LRFN5: variants seen among roughly 807,000 people sequenced by gnomAD.
LRFN5 encodes the protein leucine rich repeat and fibronectin type III domain containing 5, also known as leucine-rich repeat and fibronectin type-III domain-containing protein 5.
In LRFN5, 24 loss-of-function variants were observed where a neutral mutation model predicts 45.6. That is an observed-to-expected ratio of 0.53 (90% CI 0.38 to 0.74). The LOEUF (loss-of-function observed/expected upper bound fraction) is 0.74, where lower values mean the gene tolerates loss of function less well. LRFN5 is among the 30% of genes least tolerant of loss of function. LRFN5 has a pLI of 0.00. For missense variants in LRFN5, 776 were observed against 861.5 expected, an observed-to-expected ratio of 0.90 and a Z score of 1.24; for synonymous variants, 340 against 313.8, an observed-to-expected ratio of 1.08 and a Z score of -0.88.
chr14:41,811,150 T>C (rs986155817), intron 2 of LRFN5, among the ~76,000 whole-genome samples: 1 of 151,938 alleles, frequency 6.6e-6, no homozygotes, highest in Non-Finnish European at 1.5e-5. Flanking sequence ...ATAAAAATAG[T>C]CAATAAGCAT....
At chr14:41,699,486 G>T (rs181991089) in intron 1 of LRFN5, 30 of 152,148 alleles carry the variant, frequency 2.0e-4, no homozygotes, top group South Asian at 6.2e-4. Context: ...TTTTGGGGGA[G>T]GAATTCCTGA....
rs774680497 is a variant in LRFN5 at position 41,887,440 on chromosome 14, G to A, written c.815G>A (p.Arg272His). 33 of 1,613,964 alleles carry A rather than the reference G, an allele frequency of 2.0e-5. No homozygotes were observed. Among genetic ancestry groups the A allele is most frequent in the East Asian group, 8.9e-5 (4 of 44,870 alleles). The stretch of plus-strand genomic sequence containing the variant: ...GCTTCTCCTCCACTTTTAACTGGCC[G>A]CTACTTTTGGTCAATTCCTGAAGAA... ...TCASPPLLTG[R>H]YFWSIPEEEF... Residue 272 changes from arginine (R) to histidine (H), a missense_variant, in exon 3 of 6, where the codon CGC (arginine) becomes CAC (histidine). Arg to His is a conservative substitution (Grantham distance 29, BLOSUM62 0). Coordinates refer to ENST00000298119, the MANE Select transcript of LRFN5 (RefSeq NM_152447.5). This position sits in a 1 kb window ranked among gnomAD's most constrained non-coding sequence, Gnocchi z 4.8.
At chr14:41,750,538 A>G (rs1370847906) in intron 1 of LRFN5, among the ~76,000 whole-genome samples, 2 of 152,028 alleles carry the variant, frequency 1.3e-5, no homozygotes, top group African/African-American at 2.4e-5. Flanking sequence ...TGAAAATAAT[A>G]AAGTACATAT....
chr14:41,844,340 G>A (rs1409181927), intron 2 of LRFN5, among the ~76,000 whole-genome samples: 1 of 151,796 alleles, frequency 6.6e-6, no homozygotes, highest in African/African-American at 2.4e-5. Context: ...GGGAGGCTGA[G>A]GCAGGAGAAT....
intron 1 of LRFN5, among the ~76,000 whole-genome samples, chr14:41,729,968 T>C (rs1349012585): frequency 6.6e-6 from 1 of 151,876 alleles, no homozygotes; most frequent in Admixed American, 6.6e-5. Flanking sequence ...AGAATTAGTA[T>C]TAAAAATTTT....
Position 41,887,652 on chromosome 14 carries a change from G to A in LRFN5, c.1027G>A (p.Asp343Asn). The A allele has an allele frequency of 1.1e-5, 18 of 1,614,166 alleles. No individual in the cohort carries two copies. The highest frequency in any genetic ancestry group is 1.5e-5 in the Non-Finnish European group (18 of 1,180,036). ...RSLVYDNGTL[D>N]ILITTVKDTG... is the part of the protein sequence containing the mutation. Reference sequence around the variant, plus strand: ...TCTGGTGTATGATAACGGAACACTTGACATTCTTATCACAACTGTAAAGGA... The same window carrying A: ...TCTGGTGTATGATAACGGAACACTTAACATTCTTATCACAACTGTAAAGGA... The change falls in exon 3 of 6, where the codon GAC becomes AAC. Residue 343 changes from aspartate (D) to asparagine (N), a missense_variant. Asp to Asn is a conservative substitution (Grantham distance 23). Transcript: ENST00000298119. This position sits in a 1 kb window ranked among gnomAD's most constrained non-coding sequence, Gnocchi z 4.8.
At position 41,663,251 on chromosome 14, in the gene LRFN5, A is replaced by C. The variant is rs141126224; in HGVS notation, c.-197+54689A>C. Among the ~76,000 whole-genome samples, 1,411 of 152,228 alleles carry C rather than the reference A, an allele frequency of 9.3e-3. 6 individuals are homozygous for C. Among genetic ancestry groups the C allele is most frequent in the East Asian group, 0.02 (104 of 5,170 alleles). Reference sequence around the variant, plus strand: ...TTGATGATTGACCCAAATAGTGGTGAGAAGAATGTTCAGAGTTCAGATAGG... The same window carrying C: ...TTGATGATTGACCCAAATAGTGGTGCGAAGAATGTTCAGAGTTCAGATAGG... On this transcript the variant is annotated intron_variant, in intron 1 of 5. Transcript: ENST00000298119.
chr14:41,866,739 C>A (rs1487485527), intron 2 of LRFN5, among the ~76,000 whole-genome samples: 1 of 152,048 alleles, frequency 6.6e-6, no homozygotes, highest in East Asian at 1.9e-4. Context: ...AGAGAAAAAT[C>A]ACAGAATTTA....
At chr14:41,819,017 T>C (rs1319348504) in intron 2 of LRFN5, among the ~76,000 whole-genome samples, 1 of 152,198 alleles carries the variant, frequency 6.6e-6, no homozygotes, top group Admixed American at 6.6e-5. Flanking sequence ...TGAGTTATTT[T>C]ACTTAAGATA....
At chr14:41,705,107 G>C (rs1200857182) in intron 1 of LRFN5, among the ~76,000 whole-genome samples, 1 of 151,932 alleles carries the variant, frequency 6.6e-6, no homozygotes, top group Non-Finnish European at 1.5e-5. Flanking sequence ...TTCAAAAGGA[G>C]AGAGTAACAA....
chr14:41,830,016 T>C (rs1211291337), intron 2 of LRFN5, among the ~76,000 whole-genome samples: 2 of 151,354 alleles, frequency 1.3e-5, no homozygotes, highest in Non-Finnish European at 3.0e-5. Flanking sequence ...TTATCTCTAA[T>C]TGTATCTTAA....
intron 1 of LRFN5, among the ~76,000 whole-genome samples, chr14:41,649,985 G>T (rs988785778): frequency 2.0e-5 from 3 of 151,962 alleles, no homozygotes; most frequent in African/African-American, 7.3e-5. Context: ...GTGCTCAAAG[G>T]CAATAATAAT....
chr14:41,627,592 A>G (rs1451209675), intron 1 of LRFN5, among the ~76,000 whole-genome samples: 1 of 152,142 alleles, frequency 6.6e-6, no homozygotes, highest in African/African-American at 2.4e-5. Context: ...TTATAAATGA[A>G]ATTTCCATTC....
intron 2 of LRFN5, among the ~76,000 whole-genome samples, chr14:41,787,082 G>C (rs758571109): frequency 4.4e-4 from 67 of 151,850 alleles, no homozygotes; most frequent in Admixed American, 2.6e-4. Context: ...TAATATCTTT[G>C]TTTGCTAATT....
chr14:41,675,349 C>A (rs998224589), intron 1 of LRFN5, among the ~76,000 whole-genome samples: 7 of 152,368 alleles, frequency 4.6e-5, no homozygotes, highest in African/African-American at 1.7e-4. Context: ...GTCTGCAATC[C>A]CGGCACCTCG....
intron 1 of LRFN5, among the ~76,000 whole-genome samples, chr14:41,766,260 T>C (rs186342354): frequency 3.3e-4 from 51 of 152,300 alleles, no homozygotes; most frequent in Non-Finnish European, 5.7e-4. Flanking sequence ...AGCTATTCTT[T>C]AGAGTGACAT....
chr14:41,741,981 C>T lies in LRFN5; in HGVS notation c.-196-24873C>T, dbSNP rs114680223. 7.3e-3 allele frequency among the ~76,000 whole-genome samples: 1,110 copies of T among 151,724 alleles called. 20 individuals are homozygous for T. The highest frequency in any genetic ancestry group is 0.025 in the African/African-American group (1,054 of 41,502). ...CCACAATGAGATATCACCTCACACC[C>T]ATTAAAATGGCTATTACAAAAATTG... is the stretch of plus-strand genomic sequence containing the variant. On this transcript the variant is annotated intron_variant, in intron 1 of 5. Coordinates refer to ENST00000298119, the MANE Select transcript of LRFN5 (RefSeq NM_152447.5).
Position 41,887,037 on chromosome 14 carries a change from A to G in LRFN5, c.412A>G (p.Ile138Val). Residue 138 changes from isoleucine to valine, a missense_variant, in exon 3 of 6, where the codon ATT becomes GTT. Coordinates refer to ENST00000298119, the MANE Select transcript of LRFN5 (RefSeq NM_152447.5). This position sits in a 1 kb window ranked among gnomAD's most constrained non-coding sequence, Gnocchi z 4.8. ...ACTGAACAACAATCAGCTGACTTTA[A>G]TTTCCTCTACAGCGTTTGATGATGT... ...LILNNNQLTL[I>V]SSTAFDDVFA... is the part of the protein sequence containing the mutation. The G allele has an allele frequency of 3.7e-6, 6 of 1,614,146 alleles. No individual in the cohort carries two copies. The highest frequency in any genetic ancestry group is 5.1e-6 in the Non-Finnish European group (6 of 1,180,026).
intron 1 of LRFN5, among the ~76,000 whole-genome samples, chr14:41,628,727 A>T (rs909604403): frequency 6.6e-6 from 1 of 152,190 alleles, no homozygotes; most frequent in African/African-American, 2.4e-5. Context: ...AAATGTATTG[A>T]GCACCAATAT....
Sources: allele counts gnomAD v4.1 joint callset (sites outside exome capture counted in the v4.1 genomes callset), GRCh38; gene constraint gnomAD v4.1.1; non-coding constraint Gnocchi (gnomAD v3.1); transcripts MANE v1.5; gene names NCBI Gene and HGNC (gene_info 2026-07-23, HGNC 2026-07-21).